The following SCAPER variants were observed in gnomAD, a reference collection of about 807,000 sequenced individuals.
The protein encoded by SCAPER is S-phase cyclin A associated protein in the ER.
A neutral mutation model predicts 182.2 loss-of-function variants in SCAPER; 98 were observed. The observed-to-expected ratio is 0.54, with a 90% CI of 0.46 to 0.64. SCAPER has a LOEUF of 0.64. Among genes scored for constraint, SCAPER ranks in the 30% least tolerant of loss-of-function variants. SCAPER has a pLI of 0.00. For missense variants in SCAPER, 1,432 were observed against 1,690.0 expected (o/e 0.85, Z 2.68); for synonymous variants, 605 against 564.6 (o/e 1.07, Z -1.01).
chr15:76,657,942 A>G (rs1296315219), intron 21 of SCAPER, among the ~76,000 whole-genome samples: 1 of 152,210 alleles, frequency 6.6e-6, no homozygotes, highest in Admixed American at 6.5e-5. Context: ...GTATATGTCA[A>G]ACACACAGCC....
intron 21 of SCAPER, among the ~76,000 whole-genome samples, chr15:76,639,133 C>T (rs1244975513): frequency 6.6e-6 from 1 of 152,134 alleles, no homozygotes; most frequent in Non-Finnish European, 1.5e-5. Context: ...AGGCTGATCA[C>T]ATACTGAAAT....
At chr15:76,516,188 T>C (rs990203365) in intron 23 of SCAPER, among the ~76,000 whole-genome samples, 20 of 151,642 alleles carry the variant, frequency 1.3e-4, no homozygotes, top group South Asian at 2.1e-4. Flanking sequence ...TTCTTTCTTT[T>C]TTTTTTTATA....
chr15:76,824,676 GC>G (rs2067846312), intron 5 of SCAPER, among the ~76,000 whole-genome samples: 2 of 152,238 alleles, frequency 1.3e-5, no homozygotes, highest in African/African-American at 4.8e-5. Context: ...TAAACCATTT[GC>G]AAAACTGTCA....
intron 23 of SCAPER, among the ~76,000 whole-genome samples, chr15:76,524,689 G>GTTTTTT (rs35944222): frequency 5.2e-4 from 26 of 50,112 alleles, no homozygotes; most frequent in East Asian, 1.5e-3. Context: ...TTTTTGTTCT[G>GTTTTTT]TTTTTTTTTT....
intron 25 of SCAPER, among the ~76,000 whole-genome samples, chr15:76,466,056 A>C (rs1252658257): frequency 6.6e-6 from 1 of 152,024 alleles, no homozygotes; most frequent in Non-Finnish European, 1.5e-5. Context: ...GTGTGTGTTT[A>C]TGTTGATCTT....
chr15:76,812,345 T>C (rs946427516), intron 5 of SCAPER, among the ~76,000 whole-genome samples: 17 of 150,240 alleles, frequency 1.1e-4, no homozygotes, highest in Non-Finnish European at 1.8e-4. Context: ...AAAAATTAGC[T>C]GGACATGGTG....
intron 23 of SCAPER, among the ~76,000 whole-genome samples, chr15:76,550,311 C>T (rs953658177): frequency 6.6e-6 from 1 of 152,038 alleles, no homozygotes; most frequent in African/African-American, 2.4e-5. Flanking sequence ...GGTATTAAGC[C>T]CAGCATGCAT....
At chr15:76,723,327 C>T (rs560484496) in intron 17 of SCAPER, among the ~76,000 whole-genome samples, 10 of 152,190 alleles carry the variant, frequency 6.6e-5, no homozygotes, top group Non-Finnish European at 1.3e-4. Context: ...TTTACATTTG[C>T]TGAGGAGTGT....
chr15:76,877,821 T>C (rs2073272314), intron 2 of SCAPER, among the ~76,000 whole-genome samples: 1 of 152,138 alleles, frequency 6.6e-6, no homozygotes, highest in Non-Finnish European at 1.5e-5. Context: ...AGAAAATAAC[T>C]ATAAAAGACA....
In SCAPER at chr15:76,844,641, T is replaced by C. The variant is rs142856078; in HGVS notation, c.196-2710A>G. Among the ~76,000 whole-genome samples the C allele has an allele frequency of 1.5e-3, 223 of 152,234 alleles. 2 individuals are homozygous for C. The highest frequency in any genetic ancestry group is 4.9e-3 in the African/African-American group (202 of 41,544). On this transcript the variant is annotated intron_variant, in intron 4 of 31. Coordinates refer to ENST00000563290, the MANE Select transcript of SCAPER (RefSeq NM_020843.4). ...GAGAATGGATAAATTCCAAGACACA[T>C]ACCACCTATCAAGATTGAACCATAA...
chr15:76,804,976 A>C (rs978283749), intron 5 of SCAPER, among the ~76,000 whole-genome samples: 1 of 152,196 alleles, frequency 6.6e-6, no homozygotes, highest in African/African-American at 2.4e-5. Flanking sequence ...CCAGAGGCTG[A>C]GGCAGGAGAA....
intron 21 of SCAPER, among the ~76,000 whole-genome samples, chr15:76,645,175 T>C (rs1244082706): frequency 6.6e-6 from 1 of 152,180 alleles, no homozygotes; most frequent in Non-Finnish European, 1.5e-5. Flanking sequence ...GTGTAAGTTA[T>C]ATGCAAATAG....
At chr15:76,772,022 G>A in intron 9 of SCAPER, 68 bp from the exon 10 acceptor site, 10 of 1,236,486 alleles carry the variant, frequency 8.1e-6, no homozygotes, top group Middle Eastern at 3.8e-4. Context: ...TAGAAGAAGA[G>A]ATGATTTTGC....
At chr15:76,538,303 C>A (rs2044378821) in intron 23 of SCAPER, among the ~76,000 whole-genome samples, 1 of 149,466 alleles carries the variant, frequency 6.7e-6, no homozygotes, top group Admixed American at 6.7e-5. Context: ...ATAGCAAAGA[C>A]TTGGAACCAA....
chr15:76,473,291 C>T (rs901071969), intron 24 of SCAPER, among the ~76,000 whole-genome samples: 3 of 152,138 alleles, frequency 2.0e-5, no homozygotes, highest in South Asian at 2.1e-4. Flanking sequence ...ACACCGTTAA[C>T]GATTATCTGC....
rs557002304 is a variant in SCAPER, at chr15:76,389,257, T to C, written c.3468-7642A>G. Among the ~76,000 whole-genome samples the C allele has an allele frequency of 2.6e-5, 4 of 151,620 alleles. No homozygotes were observed. The East Asian group carries it at 7.8e-4, about 30-fold the overall frequency. ...GGCTCATGCCTGTAATCCCAGAACT[T>C]TGGGAGGCTGAGGTGGGCGGATCAC... is the stretch of plus-strand genomic sequence containing the variant. On this transcript the variant is annotated intron_variant, in intron 27 of 31. Transcript: ENST00000563290.
intron 25 of SCAPER, among the ~76,000 whole-genome samples, chr15:76,454,045 T>G (rs2048554869): frequency 6.7e-6 from 1 of 149,894 alleles, no homozygotes. Flanking sequence ...TATGTCCTAT[T>G]ATCACTGACT....
chr15:76,634,810 C>A (rs970108232), intron 21 of SCAPER, among the ~76,000 whole-genome samples: 3 of 151,490 alleles, frequency 2.0e-5, no homozygotes, highest in Non-Finnish European at 4.4e-5. Context: ...TGAAACTTTG[C>A]CAAATTCCTT....
chr15:76,832,739 T>G lies in SCAPER; in HGVS notation c.393+8995A>C, dbSNP rs564668123. Among the ~76,000 whole-genome samples the G allele has an allele frequency of 2.6e-5, 4 of 152,190 alleles. No homozygotes were observed. In the East Asian group the frequency reaches 7.7e-4, roughly 29 times the overall value. ...TCTCACGAGATCTGGTTGCTTAAAG[T>G]GTGTGGCACCTCCCCCTCGCTCTTG... On this transcript the variant is annotated intron_variant, in intron 5 of 31. Transcript: ENST00000563290.
Sources: allele counts gnomAD v4.1 joint callset (sites outside exome capture counted in the v4.1 genomes callset), GRCh38; gene constraint gnomAD v4.1.1; transcripts MANE v1.5; gene names NCBI Gene and HGNC (gene_info 2026-07-23, HGNC 2026-07-21).